The following ACTR3C variants were observed in gnomAD, a reference collection of about 807,000 sequenced individuals.
The protein encoded by ACTR3C is actin-related protein 3C.
A neutral mutation model predicts 26.3 loss-of-function variants in ACTR3C; 18 were observed. The observed-to-expected ratio is 0.68, with a 90% CI of 0.47 to 1.01. The LOEUF is 1.01. ACTR3C is among the 50% of genes least tolerant of loss of function. The pLI, the probability that ACTR3C is intolerant of heterozygous loss-of-function variation, is 0.00. For missense variants in ACTR3C, 184 were observed against 250.7 expected (o/e 0.73, Z 1.80); for synonymous variants, 55 against 94.5 (o/e 0.58, Z 2.42).
the ACTR3C span, among the ~76,000 whole-genome samples, chr7:149,903,865 C>CGTTGTTGTTGTT: frequency 2.0e-5 from 1 of 50,630 alleles, no homozygotes; most frequent in African/African-American, 3.3e-5. Flanking sequence ...AGTGTAAGGG[C>CGTTGTTGTTGTT]GTTGTTGTTG....
chr7:149,902,530 A>G, the ACTR3C span, among the ~76,000 whole-genome samples: 1 of 137,764 alleles, frequency 7.3e-6, no homozygotes, highest in Non-Finnish European at 1.6e-5. Flanking sequence ...CTGAGGCAGG[A>G]GGATCACTTG....
chr7:150,182,859 T>C, the ACTR3C span, among the ~76,000 whole-genome samples: 1 of 151,060 alleles, frequency 6.6e-6, no homozygotes, highest in East Asian at 1.9e-4. Context: ...GCTAACTAAA[T>C]ATTAATGGAC....
the ACTR3C span, among the ~76,000 whole-genome samples, chr7:149,908,162 C>T: frequency 6.6e-6 from 1 of 152,172 alleles, no homozygotes; most frequent in Non-Finnish European, 1.5e-5. Context: ...AGAGAGAAGG[C>T]AGCCCTCTGC....
At chr7:149,979,428 G>T in the ACTR3C span, among the ~76,000 whole-genome samples, 1 of 152,128 alleles carries the variant, frequency 6.6e-6, no homozygotes, top group African/African-American at 2.4e-5. Context: ...CTAAAAGACA[G>T]ACAAAGACAC....
chr7:150,223,981 T>G, the ACTR3C span, among the ~76,000 whole-genome samples: 2 of 152,212 alleles, frequency 1.3e-5, no homozygotes, highest in African/African-American at 4.8e-5. Flanking sequence ...TGCAGTTCTT[T>G]GTTGCCACTG....
chr7:150,022,704 T>C, the ACTR3C span, among the ~76,000 whole-genome samples: 1 of 152,072 alleles, frequency 6.6e-6, no homozygotes, highest in Non-Finnish European at 1.5e-5. Flanking sequence ...ACTTCATGGA[T>C]AGCTGCAAAG....
At chr7:150,217,175 A>G in the ACTR3C span, among the ~76,000 whole-genome samples, 1 of 145,722 alleles carries the variant, frequency 6.9e-6, no homozygotes, top group Non-Finnish European at 1.5e-5. Flanking sequence ...AATCCTCATG[A>G]AACTCTTACC....
chr7:150,244,928 T>G (rs981523519), downstream of ACTR3C: 2 of 152,176 alleles, frequency 1.3e-5, no homozygotes, highest in Non-Finnish European at 2.9e-5. Context: ...CAGCACAGTC[T>G]CCAAGATTTA....
the ACTR3C span, among the ~76,000 whole-genome samples, chr7:150,138,695 A>C: frequency 1.3e-5 from 2 of 152,266 alleles, no homozygotes; most frequent in African/African-American, 4.8e-5. Context: ...CAGTAAACAA[A>C]TCAGCCACAA....
chr7:149,960,782 T>C, the ACTR3C span, among the ~76,000 whole-genome samples: 1 of 151,934 alleles, frequency 6.6e-6, no homozygotes, highest in African/African-American at 2.4e-5. Context: ...ACGAGAGAGG[T>C]AGGTCTCAGA....
At chr7:150,115,357 A>G in the ACTR3C span, among the ~76,000 whole-genome samples, 1 of 152,158 alleles carries the variant, frequency 6.6e-6, no homozygotes, top group African/African-American at 2.4e-5. Flanking sequence ...GCCTTGGGCC[A>G]CCCGGGGAGC....
chr7:150,090,323 C>A, the ACTR3C span, among the ~76,000 whole-genome samples: 1 of 152,248 alleles, frequency 6.6e-6, no homozygotes, highest in Non-Finnish European at 1.5e-5. Context: ...TGCCAGAGCC[C>A]TCTGGGCTTC....
At chr7:150,117,756 A>C in the ACTR3C span, among the ~76,000 whole-genome samples, 1 of 152,244 alleles carries the variant, frequency 6.6e-6, no homozygotes, top group African/African-American at 2.4e-5. Flanking sequence ...TGCCTCCTCA[A>C]GTGGGTCCCT....
chr7:150,129,434 T>G, the ACTR3C span, among the ~76,000 whole-genome samples: 2 of 152,158 alleles, frequency 1.3e-5, no homozygotes, highest in South Asian at 4.1e-4. Context: ...AATCAGAAAT[T>G]AGTAAGTAAA....
chr7:150,041,197 C>T, the ACTR3C span, among the ~76,000 whole-genome samples: 1 of 150,382 alleles, frequency 6.6e-6, no homozygotes, highest in African/African-American at 2.5e-5. Context: ...TTCAAAAGTT[C>T]CGGGTCCCCG....
chr7:150,307,454 A>G lies in ACTR3C; in HGVS notation c.-51-12107T>C, dbSNP rs570005547. 3.3e-5 allele frequency among the ~76,000 whole-genome samples: 5 copies of G among 152,298 alleles called. 1 individual carries two copies. The highest frequency in any genetic ancestry group is 2.1e-4 in the South Asian group (1 of 4,822). On this transcript the variant is annotated intron_variant, in intron 1 of 7. Transcript: ENST00000683684. ...TTAACTGATCAGTCGACCTTGTGAA[A>G]TTCTTCTTCTGGACAATAAGACTTA...
intron 1 of ACTR3C, among the ~76,000 whole-genome samples, chr7:150,297,126 C>T (rs910303049): frequency 3.4e-5 from 5 of 149,164 alleles, no homozygotes; most frequent in Non-Finnish European, 5.9e-5. Context: ...AACACGGCTA[C>T]ATTTAACACT....
chr7:150,041,813 TG>T, the ACTR3C span, among the ~76,000 whole-genome samples: 215 of 127,750 alleles, frequency 1.7e-3, no homozygotes, highest in African/African-American at 6.5e-3. Flanking sequence ...CCCCCTGCGA[TG>T]GGGGTACTAA....
At chr7:149,974,955 T>C in the ACTR3C span, among the ~76,000 whole-genome samples, 2 of 152,146 alleles carry the variant, frequency 1.3e-5, no homozygotes, top group Admixed American at 1.3e-4. Flanking sequence ...ATCTACAATA[T>C]GGCCTTAGAA....
Sources: gnomAD v4.1 joint callset for allele counts (sites outside exome capture counted in the v4.1 genomes callset) on GRCh38, gnomAD v4.1.1 for gene constraint, MANE v1.5 for transcripts, NCBI Gene and HGNC (gene_info 2026-07-23, HGNC 2026-07-21) for gene names.